KCNG2: variants seen among roughly 807,000 people sequenced by gnomAD.
KCNG2 encodes the protein potassium voltage-gated channel modifier subfamily G member 2, also known as voltage-gated potassium channel regulatory subunit KCNG2.
Under a neutral mutation model 12.3 loss-of-function variants are expected in KCNG2, and 7 were observed. The observed-to-expected ratio is 0.57, with a 90% CI of 0.32 to 1.07. The LOEUF (loss-of-function observed/expected upper bound fraction) is 1.07. KCNG2 is among the 50% of genes least tolerant of loss of function. KCNG2 has a pLI of 0.04. For missense variants in KCNG2, 703 were observed against 726.0 expected, an observed-to-expected ratio of 0.97 and a Z score of 0.36; for synonymous variants, 414 against 351.4, an observed-to-expected ratio of 1.18 and a Z score of -1.99.
rs1162742507 is a variant in KCNG2, at chr18:79,872,280, G to GTTTTTTTTTTTTTTTTTTTT, written c.624+7993_624+8012dup. On this transcript the variant is annotated intron_variant, in intron 3 of 3. Coordinates refer to ENST00000316249, the MANE Select transcript of KCNG2 (RefSeq NM_012283.2). ...CTGATATAAAAGCTTCAAAGCTTCA[G>GTTTTTTTTTTTTTTTTTTTT]TTTTTTTTTTTTTTTTTTTTTTTGA... 2.5e-4 allele frequency among the ~76,000 whole-genome samples: 18 copies of GTTTTTTTTTTTTTTTTTTTT among 73,412 alleles called. 2 individuals carry two copies. Among genetic ancestry groups the GTTTTTTTTTTTTTTTTTTTT allele is most frequent in the African/African-American group, 8.4e-4 (16 of 19,068 alleles). 48.2% of individuals were successfully genotyped at this position (73,412 alleles called of 152,430 possible).
At chr18:79,855,988 C>T (rs4438371) in intron 1 of KCNG2, among the ~76,000 whole-genome samples, 34,392 of 152,020 alleles carry the variant, frequency 0.23, 4,265 homozygotes, top group African/African-American at 0.33. Context: ...CTTTTTCTGA[C>T]GTTTTGCAGA....
intron 3 of KCNG2, among the ~76,000 whole-genome samples, chr18:79,893,911 C>T (rs1017521955): frequency 7.4e-5 from 11 of 149,508 alleles, no homozygotes; most frequent in Non-Finnish European, 1.2e-4. Flanking sequence ...CTAATGTTAA[C>T]GATTAATATA....
Position 79,859,394 on chromosome 18 carries a change from C to T in KCNG2, c.-41+2942C>T, listed in dbSNP as rs1979134206. Among the ~76,000 whole-genome samples the T allele has an allele frequency of 2.0e-5, 3 of 152,208 alleles. No individual in the cohort carries two copies. In the East Asian group the frequency reaches 5.8e-4, roughly 29 times the overall value. On this transcript the variant is annotated intron_variant, in intron 2 of 3. Coordinates refer to ENST00000316249, the MANE Select transcript of KCNG2 (RefSeq NM_012283.2). ...ATCAGGCATCTGCATCTGAGGAAGG[C>T]CACAGGCAGCTCCAGTCATGGCAGA...
In KCNG2 at chr18:79,800,603, G is replaced by A; in HGVS notation, c.-115+2589G>A. Among the ~76,000 whole-genome samples, 1 of 152,242 alleles carries A rather than the reference G, an allele frequency of 6.6e-6. No homozygotes were observed. The highest frequency in any genetic ancestry group is 1.9e-4 in the East Asian group (1 of 5,196). On this transcript the variant is annotated intron_variant, in intron 1 of 3. Coordinates refer to ENST00000316249, the MANE Select transcript of KCNG2 (RefSeq NM_012283.2). The surrounding 1 kb of genome is among the most constrained non-coding windows in gnomAD (Gnocchi z 4.0). ...GCCTTCCCGTGTGGGAGGCACTCAGGGTCCTTGCTGGTGTCGGAGAAACAG... is the reference window on the plus strand; with the variant it reads ...GCCTTCCCGTGTGGGAGGCACTCAGAGTCCTTGCTGGTGTCGGAGAAACAG...
At chr18:79,826,457 G>A (rs1222104265) in intron 1 of KCNG2, among the ~76,000 whole-genome samples, 2 of 151,150 alleles carry the variant, frequency 1.3e-5, no homozygotes, top group Admixed American at 6.6e-5. Flanking sequence ...GGCGCGTTAC[G>A]TCATTACGTT....
At position 79,817,890 on chromosome 18, in the gene KCNG2, G is replaced by A. The variant is rs986156848; in HGVS notation, c.-115+19876G>A. The stretch of plus-strand genomic sequence containing the variant: ...TTGAGCCCGTGGAAGCCCAGGTCTC[G>A]GGGTGGGGGTGCCCTGAGGGTGCTG... On this transcript the variant is annotated intron_variant, in intron 1 of 3. Transcript: ENST00000316249. Among the ~76,000 whole-genome samples, 10 of 152,328 alleles carry A rather than the reference G, an allele frequency of 6.6e-5. No homozygotes were observed. The South Asian group carries it at 1.2e-3, about 19-fold the overall frequency.
rs375156384 is a variant in KCNG2 at position 79,867,715 on chromosome 18, A to G, written c.624+3424A>G. ...GGCATAGCTGAGTGTTGCCCTGAAA[A>G]AGTCTCCCTGCGTTTTCCGATGGCC... is the stretch of plus-strand genomic sequence containing the variant. On this transcript the variant is annotated intron_variant, in intron 3 of 3. Coordinates refer to ENST00000316249, the MANE Select transcript of KCNG2 (RefSeq NM_012283.2). 1.8e-4 allele frequency among the ~76,000 whole-genome samples: 27 copies of G among 152,000 alleles called. No individual in the cohort carries two copies. The East Asian group carries it at 4.3e-3, about 24-fold the overall frequency.
At chr18:79,897,061 C>T (rs1981001719) in intron 3 of KCNG2, among the ~76,000 whole-genome samples, 1 of 152,138 alleles carries the variant, frequency 6.6e-6, no homozygotes, top group African/African-American at 2.4e-5. Flanking sequence ...CACCTGCGGG[C>T]CTCTGTGTTT....
intron 1 of KCNG2, among the ~76,000 whole-genome samples, chr18:79,849,696 G>A (rs1978749643): frequency 6.6e-6 from 1 of 152,260 alleles, no homozygotes. Flanking sequence ...GAGGCAGAGC[G>A]GAGGCTGGGG....
chr18:79,821,350 C>T (rs547321084), intron 1 of KCNG2, among the ~76,000 whole-genome samples: 88 of 145,370 alleles, frequency 6.1e-4, no homozygotes, highest in African/African-American at 2.2e-3. Flanking sequence ...AGCACAGTGG[C>T]GCAATCTTGG....
rs7233469 is a variant in KCNG2, at chr18:79,899,846, G to C, written c.*30G>C. 9 of 1,314,420 alleles carry C rather than the reference G, an allele frequency of 6.8e-6. No individual in the cohort carries two copies. In the African/African-American group the frequency reaches 1.4e-4, roughly 20 times the overall value. 81.4% of individuals were successfully genotyped at this position (1,314,420 alleles called of 1,614,324 possible). On this transcript the variant is annotated 3_prime_UTR_variant, in exon 4 of 4. Transcript: ENST00000316249. ...TGCGCCGCCCACACGGAGACCCCCT[G>C]CCCCCTCCAGCTGCAGCGTCGGGAC... is the stretch of plus-strand genomic sequence containing the variant.
intron 1 of KCNG2, among the ~76,000 whole-genome samples, chr18:79,805,634 G>T (rs1335341291): frequency 2.0e-5 from 3 of 151,904 alleles, no homozygotes; most frequent in African/African-American, 7.3e-5. Context: ...TCTTCATTGT[G>T]GTCCTGGTGG....
intron 1 of KCNG2, among the ~76,000 whole-genome samples, chr18:79,831,585 G>T (rs1459747630): frequency 8.7e-6 from 1 of 114,786 alleles, no homozygotes; most frequent in African/African-American, 3.2e-5. Flanking sequence ...TCAGGAGCGT[G>T]CCCTGCGTAC....
chr18:79,826,546 T>G lies in KCNG2; in HGVS notation c.-115+28532T>G, dbSNP rs1599373903. On this transcript the variant is annotated intron_variant, in intron 1 of 3. Coordinates refer to ENST00000316249, the MANE Select transcript of KCNG2 (RefSeq NM_012283.2). The stretch of plus-strand genomic sequence containing the variant: ...ACGTCATTACGTTCAGTGAAAGAAC[T>G]GAGTGAGCAGCTCCTCACGGAAGGT... 2.8e-5 allele frequency among the ~76,000 whole-genome samples: 4 copies of G among 144,152 alleles called. No homozygotes were observed. In the Admixed American group the frequency reaches 2.8e-4, roughly 10 times the overall value. The allele number at this position is 144,152 out of a possible 152,430, so 94.6% of individuals were successfully genotyped here.
chr18:79,887,718 C>T (rs1043074090), intron 3 of KCNG2, among the ~76,000 whole-genome samples: 5 of 152,230 alleles, frequency 3.3e-5, no homozygotes, highest in African/African-American at 9.7e-5. Flanking sequence ...CTCCTGCACC[C>T]GGACACGTTG....
intron 2 of KCNG2, among the ~76,000 whole-genome samples, chr18:79,862,486 A>AGCCTCTGTCTTATC (rs1450201187): frequency 3.9e-5 from 6 of 152,226 alleles, no homozygotes; most frequent in Non-Finnish European, 8.8e-5. Context: ...AGGCTGGTCA[A>AGCCTCTGTCTTATC]GCCTCTGTCT....
chr18:79,881,326 G>A (rs929518796), intron 3 of KCNG2, among the ~76,000 whole-genome samples: 10 of 151,892 alleles, frequency 6.6e-5, no homozygotes, highest in African/African-American at 9.7e-5. Context: ...CACGCCGTAC[G>A]ATTGGAAAGC....
chr18:79,820,761 A>G (rs75672098), intron 1 of KCNG2, among the ~76,000 whole-genome samples: 2,257 of 152,008 alleles, frequency 0.015, 57 homozygotes, highest in African/African-American at 0.052. Flanking sequence ...CAATCCTCCC[A>G]CCTCAGCCCC....
At position 79,815,578 on chromosome 18, in the gene KCNG2, G is replaced by A. The variant is rs538521694; in HGVS notation, c.-115+17564G>A. 9.1e-4 allele frequency among the ~76,000 whole-genome samples: 138 copies of A among 152,206 alleles called. 2 individuals carry two copies. The highest frequency in any genetic ancestry group is 8.7e-3 in the South Asian group (42 of 4,822). ...TCCTGAGGTCAGTGAAGGAACCACC[G>A]CTCAGCAAAGACGTGACCTCGCTCT... is the stretch of plus-strand genomic sequence containing the variant. On this transcript the variant is annotated intron_variant, in intron 1 of 3. Transcript: ENST00000316249.
Sources: gnomAD v4.1 joint callset for allele counts (sites outside exome capture counted in the v4.1 genomes callset) on GRCh38, gnomAD v4.1.1 for gene constraint, Gnocchi (gnomAD v3.1) non-coding constraint, MANE v1.5 for transcripts, NCBI Gene and HGNC (gene_info 2026-07-23, HGNC 2026-07-21) for gene names.